Variants in MINDY3 observed in about 807,000 individuals in gnomAD.
The protein encoded by MINDY3 is MINDY lysine 48 deubiquitinase 3.
A neutral mutation model predicts 69.2 loss-of-function variants in MINDY3; 38 were observed. The observed-to-expected ratio is 0.55, with a 90% CI of 0.42 to 0.72. The LOEUF is 0.72. Ranked by LOEUF, MINDY3 falls within the 30% of genes least tolerant of loss-of-function variation. The pLI is 0.00. For synonymous variants in MINDY3, 192 were observed against 180.1 expected (o/e 1.07, Z -0.53); for missense variants, 522 against 519.0 (o/e 1.01, Z -0.06).
At chr10:15,824,706 A>G (rs1358407194) in intron 8 of MINDY3, among the ~76,000 whole-genome samples, 3 of 152,316 alleles carry the variant, frequency 2.0e-5, no homozygotes, top group Admixed American at 6.5e-5. Flanking sequence ...AAAATCAGTT[A>G]CCACCACCTA....
intron 10 of MINDY3, among the ~76,000 whole-genome samples, chr10:15,801,235 G>C (rs1221070764): frequency 6.6e-6 from 1 of 152,154 alleles, no homozygotes; most frequent in East Asian, 1.9e-4. Context: ...GGAAGCACTA[G>C]GATTTAAGAC....
At chr10:15,852,532 T>A (rs372665944) in intron 1 of MINDY3, among the ~76,000 whole-genome samples, 1 of 152,080 alleles carries the variant, frequency 6.6e-6, no homozygotes, top group East Asian at 1.9e-4. Context: ...AGGAGACTGA[T>A]AAACATTAGA....
chr10:15,821,686 T>G lies in MINDY3; in HGVS notation c.771A>C (p.Leu257Phe). 1 of 1,611,786 alleles carries G rather than the reference T, an allele frequency of 6.2e-7. No individual in the cohort carries two copies. Among genetic ancestry groups the G allele is most frequent in the Non-Finnish European group, 8.5e-7 (1 of 1,179,350 alleles). Residue 257 changes from leucine (L) to phenylalanine (F), a missense_variant, in exon 9 of 15, where the codon TTA (leucine) becomes TTC (phenylalanine). By Grantham distance (22) the Leu-to-Phe change is conservative. Transcript: ENST00000277632. ...GIHEQAAVGFLTLMEALRYCK... is the reference protein window; with the variant it reads ...GIHEQAAVGFFTLMEALRYCK... ...AGTATCTTAAAGCTTCCATTAGTGT[T>G]AAAAATCCTACTGCTGCTTGTTCAT...
At chr10:15,788,579 T>C (rs1837158880) in intron 12 of MINDY3, among the ~76,000 whole-genome samples, 1 of 152,158 alleles carries the variant, frequency 6.6e-6, no homozygotes, top group Non-Finnish European at 1.5e-5. Flanking sequence ...AAAGGTCCTA[T>C]CTTAACTTTT....
rs1427619495 is a variant in MINDY3 at position 15,779,135 on chromosome 10, A to G, written c.1195T>C (p.Tyr399His). The change falls in exon 15 of 15, where the codon TAC becomes CAC. Residue 399 changes from tyrosine (Y) to histidine (H), a missense_variant. Physicochemically the swap from Tyr to His is moderately conservative, Grantham distance 83. Transcript: ENST00000277632. Reference sequence around the variant, plus strand: ...ATCACAACTGCAGTCCCTTCTACGTACATGACCTGTTGAACAAAATAAAGC... The same window carrying G: ...ATCACAACTGCAGTCCCTTCTACGTGCATGACCTGTTGAACAAAATAAAGC... ...KQSNYNEKVMYVEGTAVVMGF... is the reference protein window; with the variant it reads ...KQSNYNEKVMHVEGTAVVMGF... The G allele has an allele frequency of 1.9e-6, 3 of 1,612,360 alleles. No homozygotes were observed. In the Admixed American group the frequency reaches 5.0e-5, roughly 27 times the overall value.
intron 10 of MINDY3, among the ~76,000 whole-genome samples, chr10:15,810,668 T>G (rs190210688): frequency 6.6e-6 from 1 of 152,226 alleles, no homozygotes; most frequent in African/African-American, 2.4e-5. Context: ...CAAAAAGTCA[T>G]TGAGCACCTA....
chr10:15,802,081 A>C (rs115870502), intron 10 of MINDY3, among the ~76,000 whole-genome samples: 2,316 of 151,744 alleles, frequency 0.015, 51 homozygotes, highest in African/African-American at 0.05. Context: ...AATACAAAAT[A>C]TGTGTTAATC....
At position 15,843,352 on chromosome 10, in the gene MINDY3, AAAT is replaced by A; in HGVS notation, c.175-83_175-81del. 4.4e-6 allele frequency: 5 copies of A among 1,137,436 alleles called. No homozygotes were observed. The South Asian group carries it at 6.2e-5, about 14-fold the overall frequency. 70.5% of individuals were successfully genotyped at this position (1,137,436 alleles called of 1,614,324 possible). On this transcript the variant is annotated intron_variant, in intron 2 of 14. Coordinates refer to ENST00000277632, the MANE Select transcript of MINDY3 (RefSeq NM_024948.4). ...CATTCTTCAATTTTAAAGTGGGAAA[AAAT>A]AATGTGTACTCCCTTTCTAATCTTT...
At chr10:15,789,483 A>G (rs1473611575) in intron 11 of MINDY3, among the ~76,000 whole-genome samples, 164 bp from the exon 12 acceptor site, 1 of 152,010 alleles carries the variant, frequency 6.6e-6, no homozygotes. Context: ...GCTATTAGAG[A>G]CCCTCTTCTA....
intron 8 of MINDY3, among the ~76,000 whole-genome samples, chr10:15,830,702 G>A (rs905302470): frequency 6.6e-6 from 1 of 152,204 alleles, no homozygotes; most frequent in Non-Finnish European, 1.5e-5. Context: ...GCCATGCAGT[G>A]TGCCACCTTC....
chr10:15,808,844 A>AC (rs1244071645), intron 10 of MINDY3, among the ~76,000 whole-genome samples: 1 of 152,182 alleles, frequency 6.6e-6, no homozygotes, highest in Non-Finnish European at 1.5e-5. Flanking sequence ...TAAATGGAGT[A>AC]CCAAGCAAAT....
At chr10:15,787,211 T>C (rs148327139) in intron 12 of MINDY3, among the ~76,000 whole-genome samples, 77 of 152,204 alleles carry the variant, frequency 5.1e-4, no homozygotes, top group Middle Eastern at 3.4e-3. Flanking sequence ...TGAATGACAG[T>C]GACTGATATA....
chr10:15,836,470 T>C (rs980757248), intron 6 of MINDY3, among the ~76,000 whole-genome samples: 2 of 151,938 alleles, frequency 1.3e-5, no homozygotes, highest in African/African-American at 4.8e-5. Context: ...AATACAGACA[T>C]AGTCCCTAGC....
chr10:15,830,278 A>G (rs996399976), intron 8 of MINDY3, among the ~76,000 whole-genome samples: 14 of 152,212 alleles, frequency 9.2e-5, no homozygotes, highest in Admixed American at 4.6e-4. Context: ...CTCATTATGC[A>G]GCAGTGGCAA....
rs74399423 is a variant in MINDY3, at chr10:15,784,263, G to A, written c.1117-2037C>T. On this transcript the variant is annotated intron_variant, in intron 13 of 14. Transcript: ENST00000277632. ...CTGCTTCTGCTATTCTTATTTAAAC[G>A]AATGGTCTTGAAAAGCTTATAAATA... Among the ~76,000 whole-genome samples, 1,075 of 152,250 alleles carry A rather than the reference G, an allele frequency of 7.1e-3. 10 individuals are homozygous for A. Among genetic ancestry groups the A allele is most frequent in the African/African-American group, 0.025 (1,020 of 41,544 alleles).
intron 8 of MINDY3, among the ~76,000 whole-genome samples, chr10:15,829,856 G>A (rs1263041548): frequency 6.6e-6 from 1 of 152,172 alleles, no homozygotes; most frequent in East Asian, 1.9e-4. Flanking sequence ...TCAATGCACA[G>A]GTAAGAAAAC....
chr10:15,831,113 A>G (rs1840427437), intron 8 of MINDY3, among the ~76,000 whole-genome samples: 1 of 152,202 alleles, frequency 6.6e-6, no homozygotes, highest in Non-Finnish European at 1.5e-5. Flanking sequence ...AGACAGATAA[A>G]GAGGAGAAGG....
At chr10:15,783,937 G>A (rs985648278) in intron 13 of MINDY3, among the ~76,000 whole-genome samples, 2 of 152,174 alleles carry the variant, frequency 1.3e-5, no homozygotes, top group East Asian at 3.8e-4. Context: ...AAAAAGTAGT[G>A]TAGCCCACTG....
chr10:15,813,469 A>C (rs1839147856), intron 10 of MINDY3, among the ~76,000 whole-genome samples: 1 of 152,222 alleles, frequency 6.6e-6, no homozygotes, highest in African/African-American at 2.4e-5. Context: ...ATAAATTCTT[A>C]CAGCATTATG....
Sources: allele counts gnomAD v4.1 joint callset (sites outside exome capture counted in the v4.1 genomes callset), GRCh38; gene constraint gnomAD v4.1.1; transcripts MANE v1.5; gene names NCBI Gene and HGNC (gene_info 2026-07-23, HGNC 2026-07-21).